The following IDE variants were observed in gnomAD, a reference collection of about 807,000 sequenced individuals.
The protein encoded by IDE is insulin degrading enzyme, also known as insulin-degrading enzyme.
A neutral mutation model predicts 133.2 loss-of-function variants in IDE; 58 were observed. That is an observed-to-expected ratio of 0.44 (90% CI 0.35 to 0.54). The LOEUF (loss-of-function observed/expected upper bound fraction) is 0.54. IDE is among the 20% of genes least tolerant of loss of function. The pLI is 0.00. For missense variants in IDE, 981 were observed against 1,234.0 expected (o/e 0.79, Z 3.07); for synonymous variants, 396 against 421.3 (o/e 0.94, Z 0.73).
Position 92,479,380 on chromosome 10 carries a change from T to C in IDE, c.1781A>G (p.Tyr594Cys), listed in dbSNP as rs768663201. ...YVDPLHCNMA[Y>C]LYLELLKDSL... is the part of the protein sequence containing the mutation. ...GTCTTTGAGGAGCTCAAGGTACAAA[T>C]AGGCCATGTTACAGTGCAAGGGGTC... Residue 594 changes from tyrosine to cysteine, a missense_variant, in exon 15 of 25, where the codon TAT (tyrosine) becomes TGT (cysteine). Around this residue, in one of 2 missense-constraint regions of IDE, gnomAD observed 660 missense variants for 894.7 expected, o/e 0.74. Coordinates refer to ENST00000265986, the MANE Select transcript of IDE (RefSeq NM_004969.4). The C allele has an allele frequency of 3.7e-5, 59 of 1,613,286 alleles. No individual in the cohort carries two copies. The highest frequency in any genetic ancestry group is 4.7e-5 in the Non-Finnish European group (56 of 1,179,394).
intron 4 of IDE, among the ~76,000 whole-genome samples, chr10:92,520,232 T>C (rs572944029): frequency 7.9e-5 from 12 of 152,292 alleles, no homozygotes; most frequent in African/African-American, 2.4e-4. Context: ...GGTTGGTAAA[T>C]TGTAAAATCC....
chr10:92,521,373 T>TTA (rs1206058400), intron 4 of IDE, among the ~76,000 whole-genome samples: 1 of 152,038 alleles, frequency 6.6e-6, no homozygotes, highest in Non-Finnish European at 1.5e-5. Context: ...GAGGAACTTG[T>TTA]TAAACTACAT....
At chr10:92,510,303 T>C (rs1401567812) in intron 5 of IDE, 141 bp from the exon 6 acceptor site, 1 of 423,858 alleles carries the variant, frequency 2.4e-6, no homozygotes, top group Non-Finnish European at 4.2e-6. Flanking sequence ...CACACCTATC[T>C]GTTTCTACTT....
rs145145157 is a variant in IDE, at chr10:92,514,891, A to G, written c.784+29T>C. On this transcript the variant is annotated intron_variant, in intron 5 of 24. Transcript: ENST00000265986. Reference sequence around the variant, plus strand: ...CAACATTAAAAACTTATATTATCCAATTCTATAAAAAATTGTAAGGGTTCT... The same window carrying G: ...CAACATTAAAAACTTATATTATCCAGTTCTATAAAAAATTGTAAGGGTTCT... The G allele has an allele frequency of 5.1e-4, 812 of 1,590,904 alleles. 3 individuals are homozygous for G. The African/African-American group carries it at 9.3e-3, about 18-fold the overall frequency.
intron 2 of IDE, among the ~76,000 whole-genome samples, chr10:92,536,700 GA>G (rs34460166): frequency 0.87 from 120,226 of 138,344 alleles, 52,279 homozygotes; most frequent in East Asian, 0.97. Flanking sequence ...CTCCCACTCA[GA>G]AAAAAAAAAA....
At chr10:92,534,881 A>T (rs1467738485) in intron 2 of IDE, 96 bp from the exon 3 acceptor site, 7 of 811,622 alleles carry the variant, frequency 8.6e-6, no homozygotes, top group Non-Finnish European at 1.4e-5. Flanking sequence ...GACAACTCCA[A>T]CTATATAATC....
chr10:92,456,395 C>G lies in IDE; in HGVS notation c.2860G>C (p.Val954Leu), dbSNP rs777078112. 1.2e-5 allele frequency: 20 copies of G among 1,613,792 alleles called. No individual in the cohort carries two copies. The highest frequency in any genetic ancestry group is 1.6e-5 in the Non-Finnish European group (19 of 1,179,816). ...LAVDAPRRHK[V>L]SVHVLAREMD... The stretch of plus-strand genomic sequence containing the variant: ...TCCCTGGCAAGAACATGGACGGATA[C>G]CTTATGTCTCCTTGGAGCATCTACT... The change falls in exon 23 of 25, where the codon GTA becomes CTA. Residue 954 changes from valine (V) to leucine (L), a missense_variant. Around this residue, in one of 2 missense-constraint regions of IDE, gnomAD observed 660 missense variants for 894.7 expected, o/e 0.74. Transcript: ENST00000265986.
rs914619892 is a variant in IDE at position 92,555,977 on chromosome 10, T to A, written c.98+17945A>T. ...TCACGAGGTCAGGAGATCGAGACCA[T>A]CCTGGCTAACAAGGTGAAACCCCGT... On this transcript the variant is annotated intron_variant, in intron 1 of 24. Coordinates refer to ENST00000265986, the MANE Select transcript of IDE (RefSeq NM_004969.4). Among the ~76,000 whole-genome samples the A allele has an allele frequency of 1.1e-4, 16 of 151,146 alleles. No homozygotes were observed. The East Asian group carries it at 3.2e-3, about 30-fold the overall frequency.
intron 22 of IDE, among the ~76,000 whole-genome samples, chr10:92,459,593 T>C (rs1324240196): frequency 6.6e-6 from 1 of 152,204 alleles, no homozygotes; most frequent in East Asian, 1.9e-4. Flanking sequence ...TCACAGAGTA[T>C]AATTTTGCTC....
At chr10:92,541,321 A>T (rs1430294535) in intron 1 of IDE, 1 of 470,922 alleles carries the variant, frequency 2.1e-6, no homozygotes, top group Admixed American at 2.4e-5. Flanking sequence ...GAAGACAATG[A>T]CTGGGAACTC....
chr10:92,500,132 T>C (rs867101558), intron 11 of IDE, among the ~76,000 whole-genome samples: 76 of 152,068 alleles, frequency 5.0e-4, no homozygotes, highest in African/African-American at 1.8e-3. Context: ...ACCCCGTCTC[T>C]ATTAAAAATA....
At chr10:92,461,137 A>T in intron 22 of IDE, 54 bp downstream of exon 22, 1 of 872,960 alleles carries the variant, frequency 1.1e-6, no homozygotes, top group Non-Finnish European at 1.9e-6. Flanking sequence ...CGCCATACCC[A>T]GCCCTATAAT....
At chr10:92,504,406 C>T (rs1848186025) in intron 11 of IDE, among the ~76,000 whole-genome samples, 1 of 152,064 alleles carries the variant, frequency 6.6e-6, no homozygotes, top group Non-Finnish European at 1.5e-5. Flanking sequence ...AAGAGGGTGC[C>T]TTCATTTGCT....
chr10:92,454,725 A>T (rs899785193), intron 24 of IDE, among the ~76,000 whole-genome samples, 186 bp from the exon 25 acceptor site: 2 of 152,148 alleles, frequency 1.3e-5, no homozygotes, highest in Non-Finnish European at 2.9e-5. Flanking sequence ...CTTCTGGATC[A>T]GTATGTCTGG....
intron 22 of IDE, among the ~76,000 whole-genome samples, chr10:92,457,820 A>G (rs1258926027): frequency 6.6e-6 from 1 of 152,146 alleles, no homozygotes; most frequent in Non-Finnish European, 1.5e-5. Flanking sequence ...TTGCACAGCA[A>G]TCCTGCCCGT....
At chr10:92,568,772 C>T (rs780875220) in intron 1 of IDE, among the ~76,000 whole-genome samples, 1 of 151,786 alleles carries the variant, frequency 6.6e-6, no homozygotes, top group African/African-American at 2.4e-5. Context: ...GCCGAGATTG[C>T]GCCACTGTAC....
intron 14 of IDE, among the ~76,000 whole-genome samples, chr10:92,482,921 C>T (rs1292701797): frequency 2.0e-5 from 3 of 152,018 alleles, no homozygotes; most frequent in Non-Finnish European, 4.4e-5. Flanking sequence ...GCTGGGACTA[C>T]AGGCACCCAC....
intron 1 of IDE, among the ~76,000 whole-genome samples, chr10:92,566,124 G>T (rs938264413): frequency 6.6e-6 from 1 of 151,586 alleles, no homozygotes; most frequent in African/African-American, 2.4e-5. Flanking sequence ...GGGAGGCCAA[G>T]GTAGGTGGAC....
At chr10:92,518,106 G>T (rs1190802627) in intron 4 of IDE, among the ~76,000 whole-genome samples, 3 of 152,128 alleles carry the variant, frequency 2.0e-5, no homozygotes, top group Non-Finnish European at 2.9e-5. Context: ...AATGTTTGAA[G>T]TTCTCTCGTA....
Sources: allele counts gnomAD v4.1 joint callset (sites outside exome capture counted in the v4.1 genomes callset), GRCh38; gene constraint gnomAD v4.1.1; regional missense constraint gnomAD v4.1.1; transcripts MANE v1.5; gene names NCBI Gene and HGNC (gene_info 2026-07-23, HGNC 2026-07-21).